The following ARHGAP39 variants were observed in gnomAD, a reference collection of about 807,000 sequenced individuals.
The protein encoded by ARHGAP39 is Rho GTPase activating protein 39, also known as rho GTPase-activating protein 39.
ARHGAP39 carries 44 observed loss-of-function variants against 106.9 expected under a neutral mutation model. The ratio of observed to expected loss-of-function variants is 0.41; its 90% CI spans 0.32 to 0.53. ARHGAP39 has a LOEUF of 0.53. Ranked by LOEUF, ARHGAP39 falls within the 20% of genes least tolerant of loss-of-function variation. The pLI is 0.21. For missense variants in ARHGAP39, 1,496 were observed against 1,577.3 expected (o/e 0.95, Z 0.87); for synonymous variants, 768 against 693.2 (o/e 1.11, Z -1.69).
intron 1 of ARHGAP39, among the ~76,000 whole-genome samples, chr8:144,617,659 A>T (rs1035095333): frequency 6.6e-6 from 1 of 151,484 alleles, no homozygotes; most frequent in Non-Finnish European, 1.5e-5. Context: ...TTGTGATCTA[A>T]AGTGAGGTTT....
chr8:144,621,798 C>T (rs1156333897), intron 1 of ARHGAP39, among the ~76,000 whole-genome samples: 3 of 152,048 alleles, frequency 2.0e-5, no homozygotes, highest in East Asian at 1.9e-4. Context: ...GCAGCCTGGG[C>T]GACAGGAGTG....
Position 144,580,899 on chromosome 8 carries a change from T to C in ARHGAP39, c.459A>G (p.Pro153=). 6.3e-7 allele frequency: 1 copy of C among 1,598,248 alleles called. No individual in the cohort carries two copies. The change falls in exon 3 of 12, where the codon CCA becomes CCG. Residue 153 remains proline, a synonymous_variant. Transcript: ENST00000377307. The part of the protein sequence containing the change: ...EPDTEKAQEL[P]ARAGRPAAFG... The stretch of plus-strand genomic sequence containing the variant: ...ACGCCGCGGGCCGCCCGGCCCTCGC[T>C]GGCAACTCCTGCGCTTTCTCAGTGT...
rs1186183196 is a variant in ARHGAP39, at chr8:144,585,466, G to A, written c.81-4189C>T. ...CCGAGAACCTGGAGGGGCCAGCCAAGGGTTCCCAGCACTGGCTTCCCCTCG... is the reference window on the plus strand; with the variant it reads ...CCGAGAACCTGGAGGGGCCAGCCAAAGGTTCCCAGCACTGGCTTCCCCTCG... On this transcript the variant is annotated intron_variant, in intron 2 of 11. Transcript: ENST00000377307. This position sits in a 1 kb window ranked among gnomAD's most constrained non-coding sequence, Gnocchi z 4.6. Among the ~76,000 whole-genome samples, 1 of 151,524 alleles carries A rather than the reference G, an allele frequency of 6.6e-6. No homozygotes were observed. The highest frequency in any genetic ancestry group is 2.4e-5 in the African/African-American group (1 of 41,194).
chr8:144,605,357 C>T (rs1037865779), intron 2 of ARHGAP39, among the ~76,000 whole-genome samples, 178 bp downstream of exon 2: 2 of 152,244 alleles, frequency 1.3e-5, no homozygotes, highest in East Asian at 1.9e-4. Context: ...ACGCAGGCCA[C>T]GGCCCTGAGG....
At chr8:144,578,308 A>G (rs749557801) in intron 3 of ARHGAP39, among the ~76,000 whole-genome samples, 5 of 152,072 alleles carry the variant, frequency 3.3e-5, no homozygotes, top group Non-Finnish European at 4.4e-5. Flanking sequence ...GGCTCACTGC[A>G]ACCTCCACCT....
Position 144,547,715 on chromosome 8 carries a change from C to T in ARHGAP39, c.1371G>A (p.Arg457=), listed in dbSNP as rs768872670. The change falls in exon 5 of 12, where the codon CGG becomes CGA. Residue 457 remains arginine, a synonymous_variant. Coordinates refer to ENST00000377307, the MANE Select transcript of ARHGAP39 (RefSeq NM_025251.3). This position sits in a 1 kb window ranked among gnomAD's most constrained non-coding sequence, Gnocchi z 5.2. ...DYSTMEGPEL[R]HSQPPTPLPQ... is the part of the protein sequence containing the mutation. ...GCAGCGGCGTGGGCGGCTGGCTGTG[C>T]CGCAGCTCAGGTCCCTCCATGGTGC... is the stretch of plus-strand genomic sequence containing the variant. 4.0e-5 allele frequency: 63 copies of T among 1,591,778 alleles called. No homozygotes were observed. The highest frequency in any genetic ancestry group is 5.2e-5 in the Non-Finnish European group (61 of 1,175,010).
chr8:144,571,705 T>C (rs1040208451), intron 3 of ARHGAP39, among the ~76,000 whole-genome samples: 2 of 152,232 alleles, frequency 1.3e-5, no homozygotes, highest in Non-Finnish European at 2.9e-5. Context: ...AAATTGTCCC[T>C]GTTTGCAGAT....
chr8:144,589,054 G>A (rs1477659180), intron 2 of ARHGAP39, among the ~76,000 whole-genome samples: 2 of 152,198 alleles, frequency 1.3e-5, no homozygotes, highest in Non-Finnish European at 2.9e-5. Context: ...TCTGCATAAG[G>A]TGTGGATTCC....
Position 144,670,768 on chromosome 8 carries a change from C to A in ARHGAP39, c.-82+14918G>T, listed in dbSNP as rs1307030863. Among the ~76,000 whole-genome samples the A allele has an allele frequency of 6.6e-6, 1 of 152,178 alleles. No homozygotes were observed. The highest frequency in any genetic ancestry group is 1.5e-5 in the Non-Finnish European group (1 of 68,042). ...CTAGATTTGCTGTCACAGCCTCATCCCCGTCCTTCAGACCACACACCGCAG... is the reference window on the plus strand; with the variant it reads ...CTAGATTTGCTGTCACAGCCTCATCACCGTCCTTCAGACCACACACCGCAG... On this transcript the variant is annotated intron_variant, in intron 1 of 11. Transcript: ENST00000377307. This position sits in a 1 kb window ranked among gnomAD's most constrained non-coding sequence, Gnocchi z 4.4.
Position 144,530,301 on chromosome 8 carries a change from G to A in ARHGAP39, c.*121C>T. The A allele has an allele frequency of 1.8e-6, 2 of 1,105,656 alleles. No homozygotes were observed. The highest frequency in any genetic ancestry group is 3.1e-5 in the South Asian group (2 of 64,808). The allele number at this position is 1,105,656 out of a possible 1,614,324, so 68.5% of individuals were successfully genotyped here. A position where few individuals can be genotyped will look rare whatever the true frequency, so the allele number is the denominator to read the frequency against. On this transcript the variant is annotated 3_prime_UTR_variant, in exon 12 of 12. Transcript: ENST00000377307. ...GGGAGCGCCGGGGCCAGGGGCCTGG[G>A]GGAGTGGAGGGGGCTCCAGGGCTGG...
chr8:144,676,659 T>C (rs1401365268), intron 1 of ARHGAP39, among the ~76,000 whole-genome samples: 2 of 152,234 alleles, frequency 1.3e-5, no homozygotes, highest in African/African-American at 4.8e-5. Flanking sequence ...TCACGGCACC[T>C]AGCCCGGGCA....
chr8:144,614,782 C>T (rs540006313), intron 1 of ARHGAP39, among the ~76,000 whole-genome samples: 11 of 152,346 alleles, frequency 7.2e-5, no homozygotes, highest in South Asian at 2.1e-4. Flanking sequence ...CCACTGGGTA[C>T]GCTACCACAT....
intron 1 of ARHGAP39, among the ~76,000 whole-genome samples, chr8:144,657,146 C>T (rs1189163140): frequency 1.3e-5 from 2 of 151,846 alleles, no homozygotes; most frequent in African/African-American, 4.8e-5. Flanking sequence ...GTAATTCCAG[C>T]ACTTTTGCAG....
chr8:144,587,485 GT>G (rs1819223390), intron 2 of ARHGAP39, among the ~76,000 whole-genome samples: 1 of 152,204 alleles, frequency 6.6e-6, no homozygotes, highest in African/African-American at 2.4e-5. Flanking sequence ...AAATTCACGT[GT>G]TATACAGGTT....
intron 1 of ARHGAP39, 185 bp from the exon 2 acceptor site, chr8:144,605,880 G>A (rs1437583457): frequency 1.4e-5 from 7 of 514,812 alleles, no homozygotes; most frequent in African/African-American, 1.9e-5. Flanking sequence ...GCGTTGCAGC[G>A]AAGCCTGGCC....
chr8:144,605,162 G>A (rs187904045), intron 2 of ARHGAP39, among the ~76,000 whole-genome samples: 195 of 152,304 alleles, frequency 1.3e-3, no homozygotes, highest in African/African-American at 4.6e-3. Flanking sequence ...CTTGGGAGGT[G>A]AGGTGGGAGG....
At chr8:144,667,671 G>C (rs1344368725) in intron 1 of ARHGAP39, among the ~76,000 whole-genome samples, 1 of 152,228 alleles carries the variant, frequency 6.6e-6, no homozygotes, top group Non-Finnish European at 1.5e-5. Context: ...GGAAAGTTCA[G>C]GAGTCATGGC....
Position 144,644,627 on chromosome 8 carries a change from G to T in ARHGAP39, c.-81-38932C>A, listed in dbSNP as rs1487113832. On this transcript the variant is annotated intron_variant, in intron 1 of 11. Transcript: ENST00000377307. The surrounding 1 kb of genome is among the most constrained non-coding windows in gnomAD (Gnocchi z 4.8). ...CTTCCACCATGCATTTCTGAGCTCT[G>T]AGTCACTTGAAGCGGCATCCGAGGC... Among the ~76,000 whole-genome samples, 1 of 152,200 alleles carries T rather than the reference G, an allele frequency of 6.6e-6. No homozygotes were observed. Among genetic ancestry groups the T allele is most frequent in the Non-Finnish European group, 1.5e-5 (1 of 68,036 alleles).
At chr8:144,636,126 G>T (rs1286363474) in intron 1 of ARHGAP39, among the ~76,000 whole-genome samples, 4 of 152,184 alleles carry the variant, frequency 2.6e-5, no homozygotes, top group African/African-American at 9.6e-5. Flanking sequence ...TGAATCTCCT[G>T]CCAGGTAAGA....
Sources: allele counts gnomAD v4.1 joint callset (sites outside exome capture counted in the v4.1 genomes callset), GRCh38; gene constraint gnomAD v4.1.1; non-coding constraint Gnocchi (gnomAD v3.1); transcripts MANE v1.5; gene names NCBI Gene and HGNC (gene_info 2026-07-23, HGNC 2026-07-21).